The following MICAL1 variants were observed in gnomAD, a reference collection of about 807,000 sequenced individuals.
The protein encoded by MICAL1 is microtubule associated monooxygenase, calponin and LIM domain containing 1, also known as [F-actin]-monooxygenase MICAL1.
Under a neutral mutation model 131.8 loss-of-function variants are expected in MICAL1, and 95 were observed. The observed-to-expected ratio is 0.72, with a 90% CI of 0.61 to 0.86. The LOEUF is 0.86. MICAL1 is among the 40% of genes least tolerant of loss of function. The pLI is 0.00. For missense variants in MICAL1, 1,292 were observed against 1,380.6 expected (o/e 0.94, Z 1.02); for synonymous variants, 546 against 554.2 (o/e 0.99, Z 0.21).
rs765286336 is a variant in MICAL1 at position 109,447,423 on chromosome 6, T to TG, written c.2003dup (p.Ser669LysfsTer3). 2 of 1,612,928 alleles carry TG rather than the reference T, an allele frequency of 1.2e-6. No individual in the cohort carries two copies. The highest frequency in any genetic ancestry group is 1.3e-5 in the African/African-American group (1 of 74,846). On this transcript the variant is annotated frameshift_variant, in exon 16 of 25. Coordinates refer to ENST00000358807, the MANE Select transcript of MICAL1 (RefSeq NM_022765.4). LOFTEE classifies it high-confidence loss of function. ...CTGGGTCAGGTGGCACCTCAGTACT[T>TG]GGGGTCTCGGCCTCCATCTAAGGAG...
In MICAL1 at chr6:109,449,143, G is replaced by T. The variant is rs535499371; in HGVS notation, c.1516+257C>A. On this transcript the variant is annotated intron_variant, in intron 11 of 24. Coordinates refer to ENST00000358807, the MANE Select transcript of MICAL1 (RefSeq NM_022765.4). ...GGGCAGCAGACTAAACTGGGGGCAG[G>T]GGAGGTTGCCAGCACCACTATGGCT... is the stretch of plus-strand genomic sequence containing the variant. 1.2e-5 allele frequency: 8 copies of T among 664,144 alleles called. No homozygotes were observed. In the East Asian group the frequency reaches 1.9e-4, roughly 16 times the overall value. The allele number at this position is 664,144 out of a possible 1,614,324, so 41.1% of individuals were successfully genotyped here.
intron 1 of MICAL1, among the ~76,000 whole-genome samples, 199 bp from the exon 2 acceptor site, chr6:109,454,438 A>G (rs1775668677): frequency 6.6e-6 from 1 of 152,110 alleles, no homozygotes; most frequent in African/African-American, 2.4e-5. Context: ...GAAATTTGCC[A>G]AATTTGGAAG....
rs1230451323 is a variant in MICAL1 at position 109,444,232 on chromosome 6, T to C, written c.3163A>G (p.Arg1055Gly). Residue 1055 changes from arginine to glycine, a missense_variant, in exon 25 of 25, where the codon AGG (arginine) becomes GGG (glycine). Transcript: ENST00000358807. ...DALIRFQEER[R>G]LSELALGTGA... is the part of the protein sequence containing the mutation. ...GTCCCCAAGGCCAGCTCGCTGAGCC[T>C]GCGCTCCTCCTGGAAGCGGATGAGG... 1.5e-5 allele frequency: 25 copies of C among 1,613,652 alleles called. 1 individual carries two copies. Among genetic ancestry groups the C allele is most frequent in the South Asian group, 4.4e-5 (4 of 91,078 alleles).
At chr6:109,449,899 A>AC in intron 9 of MICAL1, 71 bp downstream of exon 9, 2 of 1,591,694 alleles carry the variant, frequency 1.3e-6, no homozygotes, top group Non-Finnish European at 1.7e-6. Context: ...TTCACTCAGC[A>AC]CCCCTGCCCC....
upstream of MICAL1, among the ~76,000 whole-genome samples, chr6:109,460,528 A>ACC (rs998776783): frequency 1.8e-4 from 27 of 150,430 alleles, no homozygotes; most frequent in African/African-American, 6.6e-4. Flanking sequence ...ATAAATACAC[A>ACC]CACACACACA....
At chr6:109,445,688 A>G in intron 20 of MICAL1, 83 bp downstream of exon 20, 1 of 1,537,620 alleles carries the variant, frequency 6.5e-7, no homozygotes. Context: ...AAGACATTCC[A>G]AGAGAAGGGT....
intron 7 of MICAL1, among the ~76,000 whole-genome samples, chr6:109,450,984 G>A (rs72937217): frequency 0.02 from 3,113 of 152,136 alleles, 53 homozygotes; most frequent in Non-Finnish European, 0.03. Flanking sequence ...CATACCGAGC[G>A]CTTACTATGT....
intron 1 of MICAL1, 78 bp from the exon 2 acceptor site, chr6:109,454,317 C>A: frequency 7.2e-7 from 1 of 1,391,928 alleles, no homozygotes; most frequent in Admixed American, 2.3e-5. Flanking sequence ...AGAGAGCAGG[C>A]TGGTGTCCCC....
chr6:109,465,591 A>C (rs1047864177), intron 1 of MICAL1: 2 of 1,475,606 alleles, frequency 1.4e-6, no homozygotes, highest in Non-Finnish European at 1.8e-6. Context: ...AAACTACCCG[A>C]GTCTTTATGA....
At chr6:109,450,207 T>TCCC in intron 8 of MICAL1, 93 bp downstream of exon 8, 1 of 1,562,756 alleles carries the variant, frequency 6.4e-7, no homozygotes, top group South Asian at 1.2e-5. Context: ...CCTTAGCTCC[T>TCCC]CCCCTCTGCA....
At chr6:109,454,622 C>A in intron 1 of MICAL1, 1 of 239,652 alleles carries the variant, frequency 4.2e-6, no homozygotes, top group Non-Finnish European at 8.3e-6. Flanking sequence ...GACAGAGCTG[C>A]CTTTGCATGC....
rs752644918 is a variant in MICAL1 at position 109,447,339 on chromosome 6, A to T, written c.2070+18T>A. On this transcript the variant is annotated intron_variant, in intron 16 of 24. Transcript: ENST00000358807. ...GCCCTCCCCGGGCCTCTGCCTGCAC[A>T]CAAAGCCTGGCTCTCACCTCCTGGT... 5 of 1,613,408 alleles carry T rather than the reference A, an allele frequency of 3.1e-6. No homozygotes were observed. The Admixed American group carries it at 8.3e-5, about 27-fold the overall frequency.
At position 109,452,521 on chromosome 6, in the gene MICAL1, G is replaced by A. The variant is rs201881865; in HGVS notation, c.666C>T (p.Phe222=). 1.7e-5 allele frequency: 27 copies of A among 1,613,948 alleles called. No homozygotes were observed. The highest frequency in any genetic ancestry group is 2.2e-5 in the Non-Finnish European group (26 of 1,179,948). ...GAAGTGATCACTCACCTTCAGGGACGAATTTACCTCCTGCAGCCGAGATAA... is the reference window on the plus strand; with the variant it reads ...GAAGTGATCACTCACCTTCAGGGACAAATTTACCTCCTGCAGCCGAGATAA... ...DVLISAAGGK[F]VPEGFKVREM... The change falls in exon 5 of 25, where the codon TTC becomes TTT. Residue 222 remains phenylalanine, a synonymous_variant. Transcript: ENST00000358807.
chr6:109,450,181 C>G lies in MICAL1; in HGVS notation c.1192-96G>C, dbSNP rs1582646860. ...CCCAGGTCACAGCAGAAGGGGCCAT[C>G]CCCACACCAGGCAGCCCTTAGCTCC... On this transcript the variant is annotated intron_variant, in intron 8 of 24. Transcript: ENST00000358807. 1.9e-6 allele frequency: 3 copies of G among 1,561,146 alleles called. No individual in the cohort carries two copies. The East Asian group carries it at 6.8e-5, about 35-fold the overall frequency.
Position 109,445,448 on chromosome 6 carries a change from C to A in MICAL1, c.2755G>T (p.Glu919Ter), listed in dbSNP as rs1392574982. Reference protein sequence around the residue: ...WRRTLLRRAKEEEMKRFCKAQ... With the variant: ...WRRTLLRRAK ...TTGCAGAACCTCTTCATCTCCTCCT[C>A]CTTCGCACGGCGCAGCAGAGTCCGA... Residue 919 changes from glutamate (E) to a stop codon, truncating the protein, a stop_gained, in exon 21 of 25, where the codon GAG (glutamate) becomes TAG (stop). Coordinates refer to ENST00000358807, the MANE Select transcript of MICAL1 (RefSeq NM_022765.4). LOFTEE classifies it high-confidence loss of function. The A allele has an allele frequency of 6.2e-7, 1 of 1,614,100 alleles. No individual in the cohort carries two copies. Among genetic ancestry groups the A allele is most frequent in the Non-Finnish European group, 8.5e-7 (1 of 1,180,044 alleles).
chr6:109,451,342 C>T (rs1037244836), intron 7 of MICAL1, among the ~76,000 whole-genome samples: 1 of 152,054 alleles, frequency 6.6e-6, no homozygotes, highest in Non-Finnish European at 1.5e-5. Context: ...TTAGTAGAGA[C>T]GGGGTTTCAC....
At chr6:109,450,231 A>G (rs921502126) in intron 8 of MICAL1, 69 bp downstream of exon 8, 1 of 1,569,492 alleles carries the variant, frequency 6.4e-7, no homozygotes. Context: ...AGACCTTTTT[A>G]TCCCCTCCTC....
intron 1 of MICAL1, among the ~76,000 whole-genome samples, chr6:109,460,945 G>A (rs1775872657): frequency 6.6e-6 from 1 of 152,010 alleles, no homozygotes; most frequent in Non-Finnish European, 1.5e-5. Context: ...TCATCCAACT[G>A]GCAAATTTCG....
Position 109,465,711 on chromosome 6 carries a change from T to C in MICAL1, c.-34A>G, listed in dbSNP as rs778077595. ...CTTGCTACCTGGATGGAGGGCATTA[T>C]AAACATCAGTTAGCCATCACAGCTC... On this transcript the variant is annotated 5_prime_UTR_variant, in exon 1 of 25. Coordinates refer to the MICAL1 transcript ENST00000630715. 44 of 1,606,626 alleles carry C rather than the reference T, an allele frequency of 2.7e-5. No homozygotes were observed. In the Admixed American group the frequency reaches 7.3e-4, roughly 27 times the overall value.
Sources: gnomAD v4.1 joint callset for allele counts (sites outside exome capture counted in the v4.1 genomes callset) on GRCh38, gnomAD v4.1.1 for gene constraint, MANE v1.5 for transcripts, NCBI Gene and HGNC (gene_info 2026-07-23, HGNC 2026-07-21) for gene names.